GALNT18: variants seen among roughly 807,000 people sequenced by gnomAD.
GALNT18 encodes the protein GalNAc-transferase 18.
GALNT18 carries 44 observed loss-of-function variants against 69.5 expected under a neutral mutation model. That is an observed-to-expected ratio of 0.63 (90% confidence interval 0.50 to 0.81). The LOEUF is 0.81. Among genes scored for constraint, GALNT18 ranks in the 40% least tolerant of loss-of-function variants. The pLI is 0.00. For missense variants in GALNT18, 715 were observed against 810.0 expected, an observed-to-expected ratio of 0.88 and a Z score of 1.42; for synonymous variants, 364 against 318.2, an observed-to-expected ratio of 1.14 and a Z score of -1.53.
intron 2 of GALNT18, among the ~76,000 whole-genome samples, chr11:11,437,074 C>T (rs909175983): frequency 6.6e-6 from 1 of 152,168 alleles, no homozygotes; most frequent in Non-Finnish European, 1.5e-5. Context: ...GAGCCTCCCT[C>T]CCCTCTGCCC....
chr11:11,362,385 C>T (rs573489253), intron 6 of GALNT18, among the ~76,000 whole-genome samples: 4 of 151,762 alleles, frequency 2.6e-5, no homozygotes, highest in Admixed American at 1.3e-4. Flanking sequence ...CAAACAAACA[C>T]GAGAAGTAAA....
rs1280508674 is a variant in GALNT18, at chr11:11,383,331, C to G, written c.596-4067G>C. On this transcript the variant is annotated intron_variant, in intron 3 of 10. Transcript: ENST00000227756. The surrounding 1 kb of genome is among the most constrained non-coding windows in gnomAD (Gnocchi z 5.2). ...TAAGAAGTTGTTGGCTCCACAACCACTAGCAGGCTGAGCCGGAAGGGTCTG... is the reference window on the plus strand; with the variant it reads ...TAAGAAGTTGTTGGCTCCACAACCAGTAGCAGGCTGAGCCGGAAGGGTCTG... Among the ~76,000 whole-genome samples the G allele has an allele frequency of 6.6e-6, 1 of 152,218 alleles. No individual in the cohort carries two copies.
chr11:11,426,660 A>G (rs1409192750), intron 3 of GALNT18, among the ~76,000 whole-genome samples: 1 of 152,206 alleles, frequency 6.6e-6, no homozygotes, highest in Non-Finnish European at 1.5e-5. Flanking sequence ...ATGAGTGAGC[A>G]CAGTATGTCA....
chr11:11,390,334 G>A (rs1014622346), intron 3 of GALNT18, among the ~76,000 whole-genome samples: 1 of 152,178 alleles, frequency 6.6e-6, no homozygotes, highest in African/African-American at 2.4e-5. Context: ...TCCCAGCTCA[G>A]CTTCTGTAGG....
At position 11,430,858 on chromosome 11, in the gene GALNT18, C is replaced by A. The variant is rs1185434676; in HGVS notation, c.595+1763G>T. ...TTCCCTTCTTCAAGATGCCCTTTTC[C>A]CCCGCCAATATAATAAAGCATGACC... is the stretch of plus-strand genomic sequence containing the variant. On this transcript the variant is annotated intron_variant, in intron 3 of 10. Transcript: ENST00000227756. This position sits in a 1 kb window ranked among gnomAD's most constrained non-coding sequence, Gnocchi z 4.9. Among the ~76,000 whole-genome samples the A allele has an allele frequency of 1.3e-5, 2 of 152,160 alleles. No homozygotes were observed. Among genetic ancestry groups the A allele is most frequent in the African/African-American group, 4.8e-5 (2 of 41,448 alleles).
At chr11:11,468,285 A>G (rs544681372) in intron 1 of GALNT18, among the ~76,000 whole-genome samples, 104 of 152,156 alleles carry the variant, frequency 6.8e-4, no homozygotes, top group Non-Finnish European at 1.2e-3. Context: ...CTGAGCATGG[A>G]AAGACCCACC....
intron 1 of GALNT18, among the ~76,000 whole-genome samples, chr11:11,553,272 C>T (rs1054671949): frequency 6.6e-6 from 1 of 152,200 alleles, no homozygotes; most frequent in African/African-American, 2.4e-5. Context: ...CCCATGCCAC[C>T]AGGGCGCTGA....
rs1859660724 is a variant in GALNT18, at chr11:11,602,718, C to A, written c.235+18641G>T. On this transcript the variant is annotated intron_variant, in intron 1 of 10. Coordinates refer to ENST00000227756, the MANE Select transcript of GALNT18 (RefSeq NM_198516.3). This position sits in a 1 kb window ranked among gnomAD's most constrained non-coding sequence, Gnocchi z 4.7. Reference sequence around the variant, plus strand: ...GGCAAAGGACCCACAGAGCTCCTCACACTGCCATTCCAGTTCTTCCCTAAC... The same window carrying A: ...GGCAAAGGACCCACAGAGCTCCTCAAACTGCCATTCCAGTTCTTCCCTAAC... Among the ~76,000 whole-genome samples, 1 of 152,194 alleles carries A rather than the reference C, an allele frequency of 6.6e-6. No individual in the cohort carries two copies. Among genetic ancestry groups the A allele is most frequent in the African/African-American group, 2.4e-5 (1 of 41,442 alleles).
At position 11,341,934 on chromosome 11, in the gene GALNT18, C is replaced by A. The variant is rs888316987; in HGVS notation, c.1093-930G>T. Among the ~76,000 whole-genome samples, 3 of 151,824 alleles carry A rather than the reference C, an allele frequency of 2.0e-5. No individual in the cohort carries two copies. Among genetic ancestry groups the A allele is most frequent in the African/African-American group, 7.3e-5 (3 of 41,292 alleles). On this transcript the variant is annotated intron_variant, in intron 6 of 10. Coordinates refer to ENST00000227756, the MANE Select transcript of GALNT18 (RefSeq NM_198516.3). The surrounding 1 kb of genome is among the most constrained non-coding windows in gnomAD (Gnocchi z 6.3). Reference sequence around the variant, plus strand: ...CCCAGGAGTGTGAGACAAGCCTGGGCAACATAGTGAGATCCTGTCTCTAAA... The same window carrying A: ...CCCAGGAGTGTGAGACAAGCCTGGGAAACATAGTGAGATCCTGTCTCTAAA...
chr11:11,414,561 A>T (rs911356944), intron 3 of GALNT18, among the ~76,000 whole-genome samples: 2 of 152,078 alleles, frequency 1.3e-5, no homozygotes, highest in Non-Finnish European at 2.9e-5. Context: ...TTCTCCAATC[A>T]TCTAACCTGA....
At chr11:11,276,946 C>T (rs1035707920) in intron 10 of GALNT18, among the ~76,000 whole-genome samples, 1 of 152,174 alleles carries the variant, frequency 6.6e-6, no homozygotes, top group African/African-American at 2.4e-5. Context: ...CATTGATGTT[C>T]ATCAGGGATA....
In GALNT18 at chr11:11,500,386, T is replaced by C. The variant is rs187306143; in HGVS notation, c.236-51450A>G. Among the ~76,000 whole-genome samples the C allele has an allele frequency of 3.9e-5, 6 of 152,360 alleles. No homozygotes were observed. The highest frequency in any genetic ancestry group is 2.6e-4 in the Admixed American group (4 of 15,308). ...ATGTCTGAACCTTTCTGAGGCTTCA[T>C]TTCCTCACATGGAAAGTGGTGATGG... On this transcript the variant is annotated intron_variant, in intron 1 of 10. Transcript: ENST00000227756. The surrounding 1 kb of genome is among the most constrained non-coding windows in gnomAD (Gnocchi z 5.0).
intron 1 of GALNT18, among the ~76,000 whole-genome samples, chr11:11,512,721 G>C (rs1462311936): frequency 6.6e-6 from 1 of 152,194 alleles, no homozygotes; most frequent in East Asian, 1.9e-4. Context: ...CGGAGAGTCT[G>C]GCGGCACCTG....
chr11:11,615,630 CT>C (rs1860025495), intron 1 of GALNT18, among the ~76,000 whole-genome samples: 1 of 152,132 alleles, frequency 6.6e-6, no homozygotes, highest in South Asian at 2.1e-4. Flanking sequence ...GATCTTTCCT[CT>C]TTTCCTGAAA....
Position 11,454,948 on chromosome 11 carries a change from A to T in GALNT18, c.236-6012T>A, listed in dbSNP as rs1270442635. Among the ~76,000 whole-genome samples the T allele has an allele frequency of 1.3e-5, 2 of 152,254 alleles. No homozygotes were observed. The highest frequency in any genetic ancestry group is 1.5e-5 in the Non-Finnish European group (1 of 68,048). ...CTGTGCAAAGCATGACATTTCTGAC[A>T]TTAACAGGCAAACAGGCTGACTCCT... On this transcript the variant is annotated intron_variant, in intron 1 of 10. Transcript: ENST00000227756. This position sits in a 1 kb window ranked among gnomAD's most constrained non-coding sequence, Gnocchi z 4.2.
Position 11,618,406 on chromosome 11 carries a change from ATTAG to A in GALNT18, c.235+2949_235+2952del, listed in dbSNP as rs1428561821. The stretch of plus-strand genomic sequence containing the variant: ...GGACTGTCCTGCATGTTCAGTAAAC[ATTAG>A]TTAAAGGACTGGAACCTCTGCCTCT... On this transcript the variant is annotated intron_variant, in intron 1 of 10. Coordinates refer to ENST00000227756, the MANE Select transcript of GALNT18 (RefSeq NM_198516.3). This position sits in a 1 kb window ranked among gnomAD's most constrained non-coding sequence, Gnocchi z 6.1. Among the ~76,000 whole-genome samples, 3 of 152,360 alleles carry A rather than the reference ATTAG, an allele frequency of 2.0e-5. No homozygotes were observed. Among genetic ancestry groups the A allele is most frequent in the Admixed American group, 2.0e-4 (3 of 15,308 alleles).
chr11:11,289,680 G>A (rs1451309594), intron 10 of GALNT18, among the ~76,000 whole-genome samples: 2 of 152,226 alleles, frequency 1.3e-5, no homozygotes, highest in African/African-American at 2.4e-5. Context: ...AGATGAGACT[G>A]AGTTACTCCA....
At chr11:11,512,917 G>C (rs1328629751) in intron 1 of GALNT18, among the ~76,000 whole-genome samples, 2 of 152,210 alleles carry the variant, frequency 1.3e-5, no homozygotes, top group African/African-American at 4.8e-5. Context: ...TGATCTGTGT[G>C]TGTGTCTGTG....
At chr11:11,316,273 T>C (rs1849751105) in intron 9 of GALNT18, among the ~76,000 whole-genome samples, 1 of 152,142 alleles carries the variant, frequency 6.6e-6, no homozygotes, top group African/African-American at 2.4e-5. Flanking sequence ...TCTTATTTAT[T>C]TATAGACAAA....
Sources: allele counts gnomAD v4.1 joint callset (sites outside exome capture counted in the v4.1 genomes callset), GRCh38; gene constraint gnomAD v4.1.1; non-coding constraint Gnocchi (gnomAD v3.1); transcripts MANE v1.5; gene names NCBI Gene and HGNC (gene_info 2026-07-23, HGNC 2026-07-21).